The following ESR1 variants were observed in gnomAD, a reference collection of about 807,000 sequenced individuals.
ESR1 encodes the protein estrogen receptor 1.
A neutral mutation model predicts 52.7 loss-of-function variants in ESR1; 12 were observed. That is an observed-to-expected ratio of 0.23 (90% CI 0.15 to 0.37). The LOEUF (loss-of-function observed/expected upper bound fraction) is 0.37. Among genes scored for constraint, ESR1 ranks in the 10% least tolerant of loss-of-function variants. The probability of loss-of-function intolerance (pLI) is 1.00; values close to 1 mark genes in which losing one functional copy is unlikely to be tolerated. For missense variants in ESR1, 584 were observed against 779.7 expected (o/e 0.75, Z 2.99); for synonymous variants, 305 against 316.8 (o/e 0.96, Z 0.39).
intron 4 of ESR1, among the ~76,000 whole-genome samples, chr6:151,989,251 CTT>C (rs781172133): frequency 4.7e-4 from 72 of 152,110 alleles, no homozygotes; most frequent in Admixed American, 9.8e-4. Flanking sequence ...TTCTCTCTCT[CTT>C]GTAAGTATTG....
intron 2 of ESR1, among the ~76,000 whole-genome samples, chr6:151,864,333 A>G (rs1583781139): frequency 6.6e-6 from 1 of 152,254 alleles, no homozygotes; most frequent in Non-Finnish European, 1.5e-5. Context: ...AGACACATGA[A>G]AAAATGCTCA....
intron 2 of ESR1, among the ~76,000 whole-genome samples, chr6:151,788,660 C>T (rs1236692127): frequency 6.6e-6 from 1 of 152,166 alleles, no homozygotes; most frequent in Non-Finnish European, 1.5e-5. Flanking sequence ...TGCATATGTT[C>T]ATTGCAGCAC....
At chr6:151,950,489 C>T (rs2036211838) in intron 4 of ESR1, among the ~76,000 whole-genome samples, 1 of 152,206 alleles carries the variant, frequency 6.6e-6, no homozygotes, top group East Asian at 1.9e-4. Context: ...ATCTGACCTT[C>T]TTTGGAAATA....
At chr6:151,818,790 T>C (rs1425531590) in intron 1 of ESR1, among the ~76,000 whole-genome samples, 1 of 147,952 alleles carries the variant, frequency 6.8e-6, no homozygotes, top group East Asian at 2.0e-4. Flanking sequence ...CTACCTAAAG[T>C]GTGTATATAC....
At chr6:151,854,354 A>G (rs1383291370) in intron 2 of ESR1, among the ~76,000 whole-genome samples, 2 of 152,154 alleles carry the variant, frequency 1.3e-5, no homozygotes, top group South Asian at 2.1e-4. Flanking sequence ...TTTTTAAGCG[A>G]AAGATATGGC....
At chr6:151,668,118 T>C (rs1777892822) in intron 1 of ESR1, among the ~76,000 whole-genome samples, 1 of 152,156 alleles carries the variant, frequency 6.6e-6, no homozygotes, top group Non-Finnish European at 1.5e-5. Flanking sequence ...AAACAATTTA[T>C]TTCTCGTGGT....
At chr6:151,959,252 C>T (rs1562597742) in intron 4 of ESR1, among the ~76,000 whole-genome samples, 1 of 152,018 alleles carries the variant, frequency 6.6e-6, no homozygotes, top group African/African-American at 2.4e-5. Context: ...TCTCTTCCAT[C>T]TTTGTTTGAA....
At chr6:152,059,007 A>G (rs904581780) in intron 5 of ESR1, among the ~76,000 whole-genome samples, 1 of 152,216 alleles carries the variant, frequency 6.6e-6, no homozygotes, top group Admixed American at 6.5e-5. Context: ...TAAGTCAAAG[A>G]AAAGAACGTC....
chr6:151,936,732 T>G (rs1471945015), intron 3 of ESR1, among the ~76,000 whole-genome samples: 3 of 152,170 alleles, frequency 2.0e-5, no homozygotes, highest in Non-Finnish European at 4.4e-5. Context: ...GATGTTATTT[T>G]GTAAGAAAGG....
intron 3 of ESR1, among the ~76,000 whole-genome samples, chr6:151,884,581 T>G (rs534501296): frequency 4.7e-4 from 71 of 152,334 alleles, no homozygotes; most frequent in African/African-American, 1.4e-3. Flanking sequence ...AGATCTATTG[T>G]AAAGATCCAA....
At chr6:151,902,470 A>G (rs1391543176) in intron 3 of ESR1, among the ~76,000 whole-genome samples, 2 of 152,196 alleles carry the variant, frequency 1.3e-5, no homozygotes, top group Non-Finnish European at 2.9e-5. Context: ...CCATAAAGCT[A>G]TTCTGAGACT....
intron 6 of ESR1, among the ~76,000 whole-genome samples, chr6:152,114,774 C>T (rs1446572020): frequency 6.7e-6 from 1 of 150,090 alleles, no homozygotes; most frequent in Non-Finnish European, 1.5e-5. Flanking sequence ...GCCTGTAGTC[C>T]CAGCTACTTG....
At chr6:151,879,463 T>C (rs772902879) in intron 2 of ESR1, among the ~76,000 whole-genome samples, 1 of 151,964 alleles carries the variant, frequency 6.6e-6, no homozygotes, top group African/African-American at 2.4e-5. Context: ...AGGGATAAGA[T>C]AGAAGATGGA....
intron 4 of ESR1, among the ~76,000 whole-genome samples, chr6:151,981,144 A>G (rs1003580914): frequency 1.3e-5 from 2 of 152,174 alleles, no homozygotes; most frequent in Non-Finnish European, 2.9e-5. Flanking sequence ...AGAAGTTTCT[A>G]TTTGTATCTG....
At chr6:151,665,306 C>T (rs1263446912) in intron 1 of ESR1, among the ~76,000 whole-genome samples, 1 of 152,182 alleles carries the variant, frequency 6.6e-6, no homozygotes, top group Non-Finnish European at 1.5e-5. Context: ...TGAACCTGAG[C>T]TTCATGCAGT....
At chr6:151,708,055 G>A (rs1313268239) in intron 2 of ESR1, among the ~76,000 whole-genome samples, 3 of 151,904 alleles carry the variant, frequency 2.0e-5, no homozygotes, top group Non-Finnish European at 2.9e-5. Context: ...AATACAGGTT[G>A]ATGTGTATCC....
chr6:151,860,251 A>T (rs940607588), intron 2 of ESR1, among the ~76,000 whole-genome samples: 3 of 152,140 alleles, frequency 2.0e-5, no homozygotes, highest in Admixed American at 6.6e-5. Context: ...TCACCTAGTT[A>T]TCATTTTTGG....
intron 6 of ESR1, among the ~76,000 whole-genome samples, chr6:152,079,653 CAG>C (rs1456836547): frequency 6.6e-6 from 1 of 152,146 alleles, no homozygotes; most frequent in East Asian, 1.9e-4. Context: ...GATGAGTTGA[CAG>C]AAGTAGGCTT....
intron 2 of ESR1, among the ~76,000 whole-genome samples, chr6:151,776,556 G>T (rs924117448): frequency 6.6e-6 from 1 of 152,234 alleles, no homozygotes; most frequent in African/African-American, 2.4e-5. Flanking sequence ...TGGCCACGGA[G>T]GCCGGCTGGG....
Sources: allele counts gnomAD v4.1 joint callset (sites outside exome capture counted in the v4.1 genomes callset), GRCh38; gene constraint gnomAD v4.1.1; transcripts MANE v1.5; gene names NCBI Gene and HGNC (gene_info 2026-07-23, HGNC 2026-07-21).